ACOT7: variants seen among roughly 807,000 people sequenced by gnomAD.
The protein encoded by ACOT7 is cytosolic acyl coenzyme A thioester hydrolase.
In ACOT7, 12 loss-of-function variants were observed where a neutral mutation model predicts 40.2. The observed-to-expected ratio is 0.30, with a 90% CI of 0.19 to 0.48. ACOT7 has a LOEUF of 0.48. Among genes scored for constraint, ACOT7 ranks in the 20% least tolerant of loss-of-function variants. The pLI is 0.99. For synonymous variants in ACOT7, 228 were observed against 219.5 expected (o/e 1.04, Z -0.34); for missense variants, 395 against 530.8 (o/e 0.74, Z 2.51).
At chr1:6,324,362 T>C (rs1009114572) in intron 5 of ACOT7, among the ~76,000 whole-genome samples, 1 of 152,100 alleles carries the variant, frequency 6.6e-6, no homozygotes, top group Non-Finnish European at 1.5e-5. Flanking sequence ...TAAAAGCACA[T>C]ACAATCAGGA....
chr1:6,347,276 C>A (rs1157097487), intron 2 of ACOT7, among the ~76,000 whole-genome samples: 1 of 152,170 alleles, frequency 6.6e-6, no homozygotes, highest in East Asian at 1.9e-4. Context: ...AGAGGCTTCT[C>A]CAAGCCAATG....
In ACOT7 at chr1:6,295,114, G is replaced by A. The variant is rs929413145; in HGVS notation, c.713-134C>T. ...AAGGGCCGCAGCCAGCAGGGGTGCAGGGTGCTCGGCCGCACGTGCTGTGGC... is the reference window on the plus strand; with the variant it reads ...AAGGGCCGCAGCCAGCAGGGGTGCAAGGTGCTCGGCCGCACGTGCTGTGGC... On this transcript the variant is annotated intron_variant, in intron 6 of 8. Transcript: ENST00000361521. The A allele has an allele frequency of 6.2e-6, 4 of 645,148 alleles. No homozygotes were observed. The African/African-American group carries it at 7.3e-5, about 12-fold the overall frequency. 40.0% of individuals were successfully genotyped at this position (645,148 alleles called of 1,614,324 possible).
intron 8 of ACOT7, among the ~76,000 whole-genome samples, chr1:6,277,618 C>A (rs961193702): frequency 1.3e-5 from 2 of 152,266 alleles, no homozygotes; most frequent in African/African-American, 4.8e-5. Context: ...CGCCTTTGGC[C>A]CTCGCCGTTC....
At chr1:6,300,061 C>T (rs948009464) in intron 6 of ACOT7, among the ~76,000 whole-genome samples, 8 of 152,186 alleles carry the variant, frequency 5.3e-5, no homozygotes, top group Admixed American at 5.2e-4. Flanking sequence ...CCAGCAGGAC[C>T]GTGTGTGCTG....
intron 1 of ACOT7, among the ~76,000 whole-genome samples, chr1:6,365,009 G>T (rs1571345236): frequency 6.6e-6 from 1 of 150,732 alleles, no homozygotes; most frequent in South Asian, 2.1e-4. Flanking sequence ...AGCAACAAGA[G>T]TGAGACTCCG....
rs1482316618 is a variant in ACOT7, at chr1:6,311,924, GTGGGGTC to G, written c.712+6561_712+6567del. On this transcript the variant is annotated intron_variant, in intron 6 of 8. Transcript: ENST00000361521. The surrounding 1 kb of genome is among the most constrained non-coding windows in gnomAD (Gnocchi z 5.2). ...TCCCAGGGTCTGGGTCACCTGTCGG[GTGGGGTC>G]TGGGTGTCTGTGGTTTTAAGAGTTC... is the stretch of plus-strand genomic sequence containing the variant. 6.6e-6 allele frequency among the ~76,000 whole-genome samples: 1 copy of G among 152,186 alleles called. No homozygotes were observed. Among genetic ancestry groups the G allele is most frequent in the Non-Finnish European group, 1.5e-5 (1 of 68,026 alleles).
intron 1 of ACOT7, among the ~76,000 whole-genome samples, chr1:6,390,513 A>G (rs1383531819): frequency 6.6e-6 from 1 of 152,188 alleles, no homozygotes; most frequent in Non-Finnish European, 1.5e-5. Context: ...CAGAGGTTGC[A>G]GTTAGCCGAG....
chr1:6,304,857 T>G (rs1300937533), intron 6 of ACOT7, among the ~76,000 whole-genome samples: 2 of 140,576 alleles, frequency 1.4e-5, no homozygotes, highest in African/African-American at 6.0e-5. Context: ...CCCCCCTTTC[T>G]ATTCCACAAA....
In ACOT7 at chr1:6,354,773, GC is replaced by G. The variant is rs529699850; in HGVS notation, c.144-4908del. ...CCCATGGCCTCTACACTGGCCTCTA[GC>G]CCCCCCATGGCCTCTACACTGGCCT... On this transcript the variant is annotated intron_variant, in intron 1 of 8. Transcript: ENST00000361521. Among the ~76,000 whole-genome samples, 138 of 62,326 alleles carry G rather than the reference GC, an allele frequency of 2.2e-3. 1 individual carries two copies. Among genetic ancestry groups the G allele is most frequent in the African/African-American group, 8.9e-3 (133 of 14,864 alleles). The allele number at this position is 62,326 out of a possible 152,430, so 40.9% of individuals were successfully genotyped here. A position where few individuals can be genotyped will look rare whatever the true frequency, so the allele number is the denominator to read the frequency against.
chr1:6,319,852 T>G (rs1301734091), intron 5 of ACOT7, among the ~76,000 whole-genome samples: 1 of 152,216 alleles, frequency 6.6e-6, no homozygotes, highest in Non-Finnish European at 1.5e-5. Context: ...CCCAGGAAGA[T>G]CCGCCCTGAG....
chr1:6,357,870 C>CTTTT (rs148990897), intron 1 of ACOT7, among the ~76,000 whole-genome samples: 3 of 143,644 alleles, frequency 2.1e-5, no homozygotes, highest in Non-Finnish European at 3.1e-5. Flanking sequence ...TGCTTCTCCT[C>CTTTT]TTTTTTTTTT....
chr1:6,375,825 C>T (rs557802617), intron 1 of ACOT7, among the ~76,000 whole-genome samples: 1 of 151,874 alleles, frequency 6.6e-6, no homozygotes, highest in South Asian at 2.1e-4. Context: ...GTAGTCCCAG[C>T]TGCTCGGGAG....
intron 1 of ACOT7, among the ~76,000 whole-genome samples, chr1:6,372,878 T>C (rs949915295): frequency 6.6e-6 from 1 of 152,178 alleles, no homozygotes; most frequent in African/African-American, 2.4e-5. Context: ...GTGAGAGATG[T>C]GTGACTCTCT....
intron 8 of ACOT7, among the ~76,000 whole-genome samples, chr1:6,272,218 G>C (rs1469678444): frequency 6.6e-6 from 1 of 152,262 alleles, no homozygotes; most frequent in African/African-American, 2.4e-5. Context: ...ACATAGCAGG[G>C]GCACAGGAGG....
chr1:6,343,243 C>A (rs1641324842), intron 2 of ACOT7, among the ~76,000 whole-genome samples: 1 of 152,232 alleles, frequency 6.6e-6, no homozygotes, highest in Admixed American at 6.5e-5. Flanking sequence ...CACCTACCGC[C>A]TGCCGCCCCC....
At chr1:6,373,737 C>T (rs907324632) in intron 1 of ACOT7, among the ~76,000 whole-genome samples, 80 of 152,062 alleles carry the variant, frequency 5.3e-4, no homozygotes, top group Non-Finnish European at 7.5e-4. Flanking sequence ...CAGTGGCAGG[C>T]GCCTGTAATC....
intron 1 of ACOT7, among the ~76,000 whole-genome samples, chr1:6,368,516 G>A (rs920992069): frequency 9.9e-5 from 15 of 152,106 alleles, no homozygotes; most frequent in Admixed American, 9.2e-4. Flanking sequence ...CTCTCTGCCC[G>A]CACCTCCATG....
At chr1:6,380,163 T>C (rs1192697829) in intron 1 of ACOT7, among the ~76,000 whole-genome samples, 2 of 151,846 alleles carry the variant, frequency 1.3e-5, no homozygotes, top group Non-Finnish European at 2.9e-5. Context: ...TCACACTTTC[T>C]GATTTCAAAA....
At chr1:6,381,039 A>G (rs1571355299) in intron 1 of ACOT7, among the ~76,000 whole-genome samples, 1 of 151,900 alleles carries the variant, frequency 6.6e-6, no homozygotes, top group African/African-American at 2.4e-5. Flanking sequence ...CAATAAAAAA[A>G]CCAACCATAC....
Sources: allele counts gnomAD v4.1 joint callset (sites outside exome capture counted in the v4.1 genomes callset), GRCh38; gene constraint gnomAD v4.1.1; non-coding constraint Gnocchi (gnomAD v3.1); transcripts MANE v1.5; gene names NCBI Gene and HGNC (gene_info 2026-07-23, HGNC 2026-07-21).